RAB3GAP1: variants seen among roughly 807,000 people sequenced by gnomAD.
The protein encoded by RAB3GAP1 is RAB3 GTPase activating protein catalytic subunit 1.
RAB3GAP1 carries 86 observed loss-of-function variants against 130.7 expected under a neutral mutation model. The ratio of observed to expected loss-of-function variants is 0.66; its 90% CI spans 0.55 to 0.79. The LOEUF is 0.79. Among genes scored for constraint, RAB3GAP1 ranks in the 30% least tolerant of loss-of-function variants. The pLI, the probability that RAB3GAP1 is intolerant of heterozygous loss-of-function variation, is 0.00. For synonymous variants in RAB3GAP1, 367 were observed against 401.7 expected, an observed-to-expected ratio of 0.91 and a Z score of 1.03; for missense variants, 1,029 against 1,169.4, an observed-to-expected ratio of 0.88 and a Z score of 1.75.
At chr2:135,097,364 C>T (rs1028483306) in intron 5 of RAB3GAP1, among the ~76,000 whole-genome samples, 1 of 152,012 alleles carries the variant, frequency 6.6e-6, no homozygotes, top group East Asian at 1.9e-4. Context: ...TACAGGTGCA[C>T]ACCACCATGC....
In RAB3GAP1 at chr2:135,169,465, T is replaced by G. The variant is rs1381746161; in HGVS notation, c.*684T>G. 1.1e-5 allele frequency: 2 copies of G among 187,274 alleles called. No individual in the cohort carries two copies. Among genetic ancestry groups the G allele is most frequent in the African/African-American group, 4.8e-5 (2 of 41,948 alleles). 11.6% of individuals were successfully genotyped at this position (187,274 alleles called of 1,614,324 possible). A position where few individuals can be genotyped will look rare whatever the true frequency, so the allele number is the denominator to read the frequency against. Reference sequence around the variant, plus strand: ...CTGCAAATTAGTTTTATATCTGTCATGTGAGATTTGTCTTACTTATTTTTC... The same window carrying G: ...CTGCAAATTAGTTTTATATCTGTCAGGTGAGATTTGTCTTACTTATTTTTC... On this transcript the variant is annotated 3_prime_UTR_variant, in exon 24 of 24. Transcript: ENST00000264158.
intron 17 of RAB3GAP1, among the ~76,000 whole-genome samples, chr2:135,141,629 C>T (rs1454029156): frequency 6.6e-6 from 1 of 152,090 alleles, no homozygotes; most frequent in African/African-American, 2.4e-5. Context: ...TTGTGTTCTG[C>T]TTAAGAACTC....
At chr2:135,063,273 T>C (rs917098721) in intron 3 of RAB3GAP1, among the ~76,000 whole-genome samples, 2 of 152,196 alleles carry the variant, frequency 1.3e-5, no homozygotes, top group African/African-American at 4.8e-5. Context: ...TAGTTTTTCT[T>C]TTTTATTTTC....
chr2:135,172,738 G>A (rs560693143), downstream of RAB3GAP1, among the ~76,000 whole-genome samples: 10 of 152,312 alleles, frequency 6.6e-5, no homozygotes, highest in African/African-American at 2.2e-4. Flanking sequence ...GCTGCTGCGA[G>A]TGATGAATTT....
chr2:135,128,074 C>G (rs1691410664), intron 11 of RAB3GAP1, among the ~76,000 whole-genome samples: 1 of 152,208 alleles, frequency 6.6e-6, no homozygotes, highest in Non-Finnish European at 1.5e-5. Context: ...AGTAATGATG[C>G]ATTTCTCTAA....
chr2:135,064,603 T>C (rs138962313), intron 3 of RAB3GAP1, among the ~76,000 whole-genome samples: 1 of 152,166 alleles, frequency 6.6e-6, no homozygotes, highest in Non-Finnish European at 1.5e-5. Flanking sequence ...GTATTTATTA[T>C]AGCTTTAGTC....
intron 5 of RAB3GAP1, among the ~76,000 whole-genome samples, chr2:135,102,148 C>T (rs1690466484): frequency 6.6e-6 from 1 of 152,056 alleles, no homozygotes; most frequent in Admixed American, 6.6e-5. Context: ...TCTGGGTGGA[C>T]CCAGTATAAT....
At chr2:135,174,357 C>T (rs1039282304), downstream of RAB3GAP1, among the ~76,000 whole-genome samples, 7 of 152,208 alleles carry the variant, frequency 4.6e-5, no homozygotes, top group African/African-American at 1.7e-4. Flanking sequence ...CTGGAATGGC[C>T]CCTCCTCTTC....
intron 3 of RAB3GAP1, chr2:135,058,907 G>A (rs1689093023): frequency 6.6e-6 from 1 of 151,990 alleles, no homozygotes; most frequent in African/African-American, 2.4e-5. Flanking sequence ...TAATTCAATA[G>A]TAATTTAATT....
intron 2 of RAB3GAP1, among the ~76,000 whole-genome samples, chr2:135,052,941 A>G (rs558861099): frequency 2.0e-5 from 3 of 152,288 alleles, no homozygotes; most frequent in African/African-American, 7.2e-5. Context: ...GAGTATTGGT[A>G]GTTGTCCATC....
chr2:135,081,306 C>CAAAAAAAA (rs1169138978), intron 3 of RAB3GAP1, among the ~76,000 whole-genome samples: 13 of 13,210 alleles, frequency 9.8e-4, no homozygotes, highest in Non-Finnish European at 9.3e-4. Context: ...GACTCCGTCT[C>CAAAAAAAA]AAAAAAAAAA....
At chr2:135,139,638 A>G (rs1691781749) in intron 17 of RAB3GAP1, among the ~76,000 whole-genome samples, 1 of 152,096 alleles carries the variant, frequency 6.6e-6, no homozygotes, top group Non-Finnish European at 1.5e-5. Context: ...TACTTCCCAG[A>G]TCAAGATACA....
intron 6 of RAB3GAP1, among the ~76,000 whole-genome samples, chr2:135,113,763 G>A (rs372723466): frequency 2.7e-5 from 4 of 150,264 alleles, no homozygotes; most frequent in East Asian, 1.9e-4. Context: ...TTTTCGAGAC[G>A]TAGTCTTGCT....
chr2:135,072,015 C>G (rs1689488744), intron 3 of RAB3GAP1, among the ~76,000 whole-genome samples: 1 of 152,202 alleles, frequency 6.6e-6, no homozygotes, highest in Non-Finnish European at 1.5e-5. Context: ...AGGGTTCAAG[C>G]AGTTCTCGTG....
intron 7 of RAB3GAP1, 87 bp downstream of exon 7, chr2:135,115,468 T>A (rs1690943615): frequency 7.6e-7 from 1 of 1,324,048 alleles, no homozygotes; most frequent in African/African-American, 1.5e-5. Context: ...TAGAAACATT[T>A]CTCTATAATA....
intron 3 of RAB3GAP1, among the ~76,000 whole-genome samples, chr2:135,073,889 C>T (rs1025702938): frequency 7.9e-5 from 12 of 152,124 alleles, no homozygotes; most frequent in Non-Finnish European, 1.5e-4. Context: ...CCGTAAAAAA[C>T]GTCTGTTGGG....
chr2:135,089,770 T>G (rs912741736), intron 3 of RAB3GAP1: 2 of 341,430 alleles, frequency 5.9e-6, no homozygotes, highest in Non-Finnish European at 1.2e-5. Context: ...AAAGGATGAG[T>G]TCATGTCCTT....
rs748172767 is a variant in RAB3GAP1, at chr2:135,124,154, C to A, written c.749-11C>A. 6.2e-7 allele frequency: 1 copy of A among 1,611,532 alleles called. No individual in the cohort carries two copies. The highest frequency in any genetic ancestry group is 1.3e-5 in the African/African-American group (1 of 74,822). On this transcript the variant is annotated splice_polypyrimidine_tract_variant and intron_variant, in intron 8 of 23. Transcript: ENST00000264158. ...TTTCCCAAATGATGGAAAAATATTT[C>A]TTTTGTTTAGACATAGATGCCCTTG...
At chr2:135,107,219 C>G (rs1420468521) in intron 5 of RAB3GAP1, among the ~76,000 whole-genome samples, 1 of 151,984 alleles carries the variant, frequency 6.6e-6, no homozygotes, top group African/African-American at 2.4e-5. Context: ...TCATCCTTGC[C>G]TTACAAGTAA....
Sources: allele counts gnomAD v4.1 joint callset (sites outside exome capture counted in the v4.1 genomes callset), GRCh38; gene constraint gnomAD v4.1.1; transcripts MANE v1.5; gene names NCBI Gene and HGNC (gene_info 2026-07-23, HGNC 2026-07-21).